NT5DC1: variants seen among roughly 807,000 people sequenced by gnomAD.
NT5DC1 encodes 5'-nucleotidase domain-containing protein 1.
In NT5DC1, 42 loss-of-function variants were observed where a neutral mutation model predicts 59.4. The ratio of observed to expected loss-of-function variants is 0.71; its 90% CI spans 0.55 to 0.92. The LOEUF is 0.92. Ranked by LOEUF, NT5DC1 falls within the 40% of genes least tolerant of loss-of-function variation. The probability of loss-of-function intolerance (pLI) is 0.00; values close to 1 mark genes in which losing one functional copy is unlikely to be tolerated. For missense variants in NT5DC1, 501 were observed against 537.1 expected (o/e 0.93, Z 0.66); for synonymous variants, 172 against 188.1 (o/e 0.91, Z 0.70).
intron 6 of NT5DC1, among the ~76,000 whole-genome samples, chr6:116,157,051 C>A (rs937639936): frequency 2.6e-5 from 4 of 152,166 alleles, no homozygotes; most frequent in Non-Finnish European, 1.5e-5. Flanking sequence ...TGCCTCCCTT[C>A]CACCAAATAG....
intron 6 of NT5DC1, among the ~76,000 whole-genome samples, chr6:116,189,354 A>G (rs762583243): frequency 6.6e-6 from 1 of 151,880 alleles, no homozygotes; most frequent in East Asian, 1.9e-4. Context: ...ACTTACATAT[A>G]GTTCCAGTAT....
At chr6:116,241,807 C>T (rs970522974) in intron 11 of NT5DC1, among the ~76,000 whole-genome samples, 14 of 150,836 alleles carry the variant, frequency 9.3e-5, no homozygotes, top group Admixed American at 9.2e-4. Context: ...CCTGTAGTCC[C>T]AGCTACTCAG....
In NT5DC1 at chr6:116,100,880, C is replaced by T. The variant is rs1282370058; in HGVS notation, c.-51C>T. 4.9e-6 allele frequency: 7 copies of T among 1,417,152 alleles called. No homozygotes were observed. The highest frequency in any genetic ancestry group is 2.7e-5 in the East Asian group (1 of 37,050). 87.8% of individuals were successfully genotyped at this position (1,417,152 alleles called of 1,614,324 possible). On this transcript the variant is annotated 5_prime_UTR_variant, in exon 1 of 12. Transcript: ENST00000319550. ...TGTCCCGCAGCGTCCCGCCAGCCAG[C>T]TCCTTGCACCCTTCGCGGCCGAGGC...
intron 6 of NT5DC1, among the ~76,000 whole-genome samples, chr6:116,219,476 C>G (rs940625652): frequency 6.6e-6 from 1 of 152,128 alleles, no homozygotes; most frequent in African/African-American, 2.4e-5. Context: ...GAGGGAATAA[C>G]TGTGATAGGT....
At chr6:116,187,275 G>A (rs11754116) in intron 6 of NT5DC1, among the ~76,000 whole-genome samples, 6,960 of 152,120 alleles carry the variant, frequency 0.046, 178 homozygotes, top group Non-Finnish European at 0.059. Flanking sequence ...GCAGGGGAGC[G>A]AAGTGGACTC....
intron 4 of NT5DC1, among the ~76,000 whole-genome samples, chr6:116,114,146 T>TGTGA (rs1778924561): frequency 6.6e-6 from 1 of 152,146 alleles, no homozygotes; most frequent in Admixed American, 6.5e-5. Context: ...CAATTCAAGC[T>TGTGA]GTGAAAAAAT....
Position 116,246,930 on chromosome 6 carries a change from T to C in NT5DC1, c.*2906T>C, listed in dbSNP as rs1394007251. 2 of 152,334 alleles carry C rather than the reference T, an allele frequency of 1.3e-5. No homozygotes were observed. Among genetic ancestry groups the C allele is most frequent in the East Asian group, 1.9e-4 (1 of 5,190 alleles). The allele number at this position is 152,334 out of a possible 1,614,324, so 9.4% of individuals were successfully genotyped here. A position where few individuals can be genotyped will look rare whatever the true frequency, so the allele number is the denominator to read the frequency against. On this transcript the variant is annotated 3_prime_UTR_variant, in exon 12 of 12. Transcript: ENST00000319550. ...GTGGTCATGAGTAGCCTCACTAGGC[T>C]ACTTCATGTACATTATCTTGTTTAC...
In NT5DC1 at chr6:116,221,808, GTACA is replaced by G. The variant is rs577185664; in HGVS notation, c.704+581_704+584del. Among the ~76,000 whole-genome samples, 248 of 152,296 alleles carry G rather than the reference GTACA, an allele frequency of 1.6e-3. 2 individuals are homozygous for G. The highest frequency in any genetic ancestry group is 5.7e-3 in the African/African-American group (235 of 41,564). On this transcript the variant is annotated intron_variant, in intron 7 of 11. Transcript: ENST00000319550. ...CTTCAATTTTGCCGTCATAAAAATG[GTACA>G]GTAATTCCTTGTGGGTATGAGGGGA...
intron 11 of NT5DC1, among the ~76,000 whole-genome samples, chr6:116,241,159 A>T (rs1017572693): frequency 2.6e-5 from 4 of 151,468 alleles, no homozygotes; most frequent in Non-Finnish European, 5.9e-5. Context: ...AAAAAAAAAA[A>T]GTAAAATATT....
intron 6 of NT5DC1, among the ~76,000 whole-genome samples, chr6:116,179,862 A>G (rs1780836231): frequency 1.3e-5 from 2 of 152,228 alleles, no homozygotes; most frequent in Middle Eastern, 3.4e-3. Flanking sequence ...AAGATTCTTG[A>G]TGTCATGAAA....
At chr6:116,177,339 A>T (rs894936450) in intron 6 of NT5DC1, among the ~76,000 whole-genome samples, 1 of 152,152 alleles carries the variant, frequency 6.6e-6, no homozygotes, top group Non-Finnish European at 1.5e-5. Context: ...AACTTGATAG[A>T]ATATATCCAA....
intron 6 of NT5DC1, among the ~76,000 whole-genome samples, chr6:116,167,045 C>G (rs1246021797): frequency 6.6e-6 from 1 of 151,902 alleles, no homozygotes. Flanking sequence ...ATTTTTGCCC[C>G]CAAGAAAATT....
At chr6:116,171,562 G>T (rs116597625) in intron 6 of NT5DC1, among the ~76,000 whole-genome samples, 4,775 of 152,184 alleles carry the variant, frequency 0.031, 260 homozygotes, top group African/African-American at 0.11. Flanking sequence ...TACCTTTTTG[G>T]GGGGACTAAG....
intron 6 of NT5DC1, among the ~76,000 whole-genome samples, chr6:116,163,137 A>ACATAT (rs1554197055): frequency 9.5e-6 from 1 of 105,420 alleles, no homozygotes; most frequent in Non-Finnish European, 1.8e-5. Flanking sequence ...AAAAAAAAAA[A>ACATAT]AAAAATATAT....
chr6:116,152,815 A>AAC (rs1780080126), intron 6 of NT5DC1, among the ~76,000 whole-genome samples: 1 of 152,172 alleles, frequency 6.6e-6, no homozygotes, highest in African/African-American at 2.4e-5. Flanking sequence ...GTCAACCAGA[A>AAC]ACTCCAAATT....
intron 1 of NT5DC1, among the ~76,000 whole-genome samples, chr6:116,103,136 T>C (rs917595483): frequency 6.6e-5 from 10 of 152,186 alleles, no homozygotes; most frequent in Admixed American, 3.9e-4. Context: ...TCAGTATCTG[T>C]GACAGTTTCT....
chr6:116,241,689 C>T (rs1392208294), intron 11 of NT5DC1, among the ~76,000 whole-genome samples: 2 of 151,436 alleles, frequency 1.3e-5, no homozygotes, highest in Non-Finnish European at 2.9e-5. Flanking sequence ...TTTGGGAGGC[C>T]GAGGCGGGAG....
intron 4 of NT5DC1, among the ~76,000 whole-genome samples, chr6:116,112,196 G>A (rs541544145): frequency 2.0e-5 from 3 of 152,296 alleles, no homozygotes; most frequent in East Asian, 1.9e-4. Flanking sequence ...GAGTTTATCT[G>A]TACCTACTTG....
intron 6 of NT5DC1, among the ~76,000 whole-genome samples, chr6:116,168,823 G>A (rs907576949): frequency 1.3e-5 from 2 of 152,102 alleles, no homozygotes; most frequent in African/African-American, 4.8e-5. Context: ...GTTTGCTTCT[G>A]GCAGGCAGCT....
Sources: allele counts gnomAD v4.1 joint callset (sites outside exome capture counted in the v4.1 genomes callset), GRCh38; gene constraint gnomAD v4.1.1; transcripts MANE v1.5; gene names NCBI Gene and HGNC (gene_info 2026-07-23, HGNC 2026-07-21).